MGAT5B: variants seen among roughly 807,000 people sequenced by gnomAD.
MGAT5B encodes the protein N-acetylglucosaminyl-transferase Vb.
A neutral mutation model predicts 95.1 loss-of-function variants in MGAT5B; 54 were observed. The ratio of observed to expected loss-of-function variants is 0.57; its 90% confidence interval spans 0.46 to 0.71. The LOEUF is 0.71. MGAT5B is among the 30% of genes least tolerant of loss of function. MGAT5B has a pLI of 0.00. For missense variants in MGAT5B, 935 were observed against 1,088.6 expected (o/e 0.86, Z 1.99); for synonymous variants, 464 against 451.0 (o/e 1.03, Z -0.36).
Position 76,930,290 on chromosome 17 carries a change from G to A in MGAT5B, c.1292-2355G>A, listed in dbSNP as rs914407203. Among the ~76,000 whole-genome samples, 62 of 150,610 alleles carry A rather than the reference G, an allele frequency of 4.1e-4. No individual in the cohort carries two copies. Among genetic ancestry groups the A allele is most frequent in the African/African-American group, 1.3e-3 (52 of 41,132 alleles). The stretch of plus-strand genomic sequence containing the variant: ...AGCTGTACCAGATGTTGATTATTAC[G>A]TCTTGTGGGCCTTGAGGGGTGGGTG... On this transcript the variant is annotated intron_variant, in intron 10 of 17. Transcript: ENST00000569840. This position sits in a 1 kb window ranked among gnomAD's most constrained non-coding sequence, Gnocchi z 4.1.
chr17:76,882,093 C>T, intron 2 of MGAT5B, 58 bp from the exon 3 acceptor site: 1 of 1,537,832 alleles, frequency 6.5e-7, no homozygotes, highest in South Asian at 1.3e-5. Context: ...AGCTCGGACA[C>T]CAGGTGGCCT....
In MGAT5B at chr17:76,906,199, G is replaced by T. The variant is rs769401512; in HGVS notation, c.1025+12G>T. ...AAGGAGCTGCAGAGGTGAGTGCTGG[G>T]GAAAGCCACTGGCATTAAGTGGGGC... On this transcript the variant is annotated intron_variant, in intron 8 of 17. Transcript: ENST00000569840. This position sits in a 1 kb window ranked among gnomAD's most constrained non-coding sequence, Gnocchi z 4.6. 1.3e-6 allele frequency: 2 copies of T among 1,589,568 alleles called. No individual in the cohort carries two copies. Among genetic ancestry groups the T allele is most frequent in the Admixed American group, 3.6e-5 (2 of 55,580 alleles).
At chr17:76,896,262 A>C (rs1277046516) in intron 3 of MGAT5B, among the ~76,000 whole-genome samples, 1 of 152,254 alleles carries the variant, frequency 6.6e-6, no homozygotes, top group Non-Finnish European at 1.5e-5. Context: ...ATGATTTGAA[A>C]ATAGAAAGGG....
intron 12 of MGAT5B, among the ~76,000 whole-genome samples, chr17:76,937,171 CAA>C (rs1055215307): frequency 4.6e-5 from 7 of 152,148 alleles, no homozygotes; most frequent in African/African-American, 1.7e-4. Flanking sequence ...GTGATTAAGA[CAA>C]AATGGATTCA....
chr17:76,906,185 G>A lies in MGAT5B; in HGVS notation c.1023G>A (p.Gln341=), dbSNP rs1213406576. 5 of 1,602,260 alleles carry A rather than the reference G, an allele frequency of 3.1e-6. No homozygotes were observed. Among genetic ancestry groups the A allele is most frequent in the East Asian group, 2.3e-5 (1 of 43,270 alleles). ...LRVTVSLKEL[Q]SNLGVPPGRG... Reference sequence around the variant, plus strand: ...TCACAGTCTCCCTGAAGGAGCTGCAGAGGTGAGTGCTGGGGAAAGCCACTG... The same window carrying A: ...TCACAGTCTCCCTGAAGGAGCTGCAAAGGTGAGTGCTGGGGAAAGCCACTG... Residue 341 remains glutamine, a splice_region_variant and synonymous_variant, in exon 8 of 18, where the codon CAG becomes CAA. Coordinates refer to ENST00000569840, the MANE Select transcript of MGAT5B (RefSeq NM_001199172.2). This position sits in a 1 kb window ranked among gnomAD's most constrained non-coding sequence, Gnocchi z 4.6.
At position 76,947,948 on chromosome 17, in the gene MGAT5B, G is replaced by A; in HGVS notation, c.2042G>A (p.Gly681Glu). The change falls in exon 17 of 18, where the codon GGG becomes GAG. Residue 681 changes from glycine (G) to glutamate (E), a missense_variant. This residue lies in a region of MGAT5B where 440 missense variants were observed against 523.6 expected (regional missense o/e 0.84). Coordinates refer to ENST00000569840, the MANE Select transcript of MGAT5B (RefSeq NM_001199172.2). ...GCTCGGAACACCAGCTTGGCTCCTGGGGCCTGGCCCCCCGCGCACGCCCTG... is the reference window on the plus strand; with the variant it reads ...GCTCGGAACACCAGCTTGGCTCCTGAGGCCTGGCCCCCCGCGCACGCCCTG... The part of the protein sequence containing the change: ...EWARNTSLAP[G>E]AWPPAHALRA... 6.2e-7 allele frequency: 1 copy of A among 1,612,724 alleles called. No homozygotes were observed. The highest frequency in any genetic ancestry group is 8.5e-7 in the Non-Finnish European group (1 of 1,179,316).
chr17:76,915,487 A>C lies in MGAT5B; in HGVS notation c.1025+9300A>C, dbSNP rs1454139227. ...GACCGAAAAACAACCCTCGGGCTCT[A>C]CCAGGGTTTGTAATATGCTATCCCT... On this transcript the variant is annotated intron_variant, in intron 8 of 17. Transcript: ENST00000569840. This position sits in a 1 kb window ranked among gnomAD's most constrained non-coding sequence, Gnocchi z 8.7. 6.6e-6 allele frequency among the ~76,000 whole-genome samples: 1 copy of C among 152,222 alleles called. No individual in the cohort carries two copies. The highest frequency in any genetic ancestry group is 1.9e-4 in the East Asian group (1 of 5,196).
chr17:76,932,490 G>A (rs1267564433), intron 10 of MGAT5B, among the ~76,000 whole-genome samples, 155 bp from the exon 11 acceptor site: 1 of 151,982 alleles, frequency 6.6e-6, no homozygotes, highest in Non-Finnish European at 1.5e-5. Flanking sequence ...GTCACAGGCC[G>A]GGGCACTGAT....
rs529509754 is a variant in MGAT5B, at chr17:76,889,514, G to A, written c.329+7216G>A. 3.3e-5 allele frequency among the ~76,000 whole-genome samples: 5 copies of A among 152,318 alleles called. No homozygotes were observed. The South Asian group carries it at 6.2e-4, about 19-fold the overall frequency. On this transcript the variant is annotated intron_variant, in intron 3 of 17. Transcript: ENST00000569840. This position sits in a 1 kb window ranked among gnomAD's most constrained non-coding sequence, Gnocchi z 4.4. ...TGGGTACCTTCACTGGGAGAGAGGCGTGTGGTTGGCAGGTCAGGGGCCTCT... is the reference window on the plus strand; with the variant it reads ...TGGGTACCTTCACTGGGAGAGAGGCATGTGGTTGGCAGGTCAGGGGCCTCT...
chr17:76,910,946 C>T (rs1199852568), intron 8 of MGAT5B, among the ~76,000 whole-genome samples: 2 of 152,198 alleles, frequency 1.3e-5, no homozygotes, highest in African/African-American at 2.4e-5. Flanking sequence ...TTAAAAACAA[C>T]TAAAAGAATA....
At chr17:76,943,862 A>T (rs1278048223) in intron 15 of MGAT5B, 1 of 152,094 alleles carries the variant, frequency 6.6e-6, no homozygotes, top group East Asian at 1.9e-4. Flanking sequence ...AGGGAGAGGG[A>T]GGGAGGAGCG....
At chr17:76,880,737 G>A (rs1967380446) in intron 2 of MGAT5B, among the ~76,000 whole-genome samples, 1 of 152,008 alleles carries the variant, frequency 6.6e-6, no homozygotes, top group South Asian at 2.1e-4. Flanking sequence ...TGGGGAGACT[G>A]CAGTGTGTTC....
chr17:76,874,437 A>C lies in MGAT5B; in HGVS notation c.181+1474A>C, dbSNP rs187960696. Reference sequence around the variant, plus strand: ...TGGGAGGGAGCAGTCGTGAAGGTGAACCGGAAGGGTGGCTTGGGGAAGGGC... The same window carrying C: ...TGGGAGGGAGCAGTCGTGAAGGTGACCCGGAAGGGTGGCTTGGGGAAGGGC... On this transcript the variant is annotated intron_variant, in intron 2 of 17. Coordinates refer to ENST00000569840, the MANE Select transcript of MGAT5B (RefSeq NM_001199172.2). Among the ~76,000 whole-genome samples, 444 of 152,018 alleles carry C rather than the reference A, an allele frequency of 2.9e-3. 3 individuals carry two copies. The highest frequency in any genetic ancestry group is 0.01 in the African/African-American group (432 of 41,430).
chr17:76,915,676 C>T lies in MGAT5B; in HGVS notation c.1026-9290C>T, dbSNP rs1169483433. On this transcript the variant is annotated intron_variant, in intron 8 of 17. Transcript: ENST00000569840. This position sits in a 1 kb window ranked among gnomAD's most constrained non-coding sequence, Gnocchi z 8.7. ...ATTAGGAAAAGGTGGGGAAGAACCG[C>T]ATCTTGGCACCTAGACTTGTGAATG... Among the ~76,000 whole-genome samples, 1 of 152,188 alleles carries T rather than the reference C, an allele frequency of 6.6e-6. No homozygotes were observed. Among genetic ancestry groups the T allele is most frequent in the Non-Finnish European group, 1.5e-5 (1 of 68,032 alleles).
intron 3 of MGAT5B, among the ~76,000 whole-genome samples, chr17:76,883,974 A>C (rs1167910999): frequency 6.6e-6 from 1 of 152,234 alleles, no homozygotes; most frequent in Non-Finnish European, 1.5e-5. Flanking sequence ...GCTGCTGGCC[A>C]TGGGGCCAAC....
chr17:76,873,972 T>C (rs879760967), intron 2 of MGAT5B, among the ~76,000 whole-genome samples: 2 of 152,220 alleles, frequency 1.3e-5, no homozygotes, highest in African/African-American at 2.4e-5. Flanking sequence ...GGTTGTCATC[T>C]GGGTGGGTGC....
At chr17:76,929,982 G>A (rs1325297037) in intron 10 of MGAT5B, among the ~76,000 whole-genome samples, 2 of 151,124 alleles carry the variant, frequency 1.3e-5, no homozygotes, top group African/African-American at 4.8e-5. Context: ...AGGGGAGAGG[G>A]CTGGGTGGCA....
At position 76,889,059 on chromosome 17, in the gene MGAT5B, A is replaced by G. The variant is rs1304567679; in HGVS notation, c.329+6761A>G. Among the ~76,000 whole-genome samples, 1 of 152,210 alleles carries G rather than the reference A, an allele frequency of 6.6e-6. No individual in the cohort carries two copies. Among genetic ancestry groups the G allele is most frequent in the Non-Finnish European group, 1.5e-5 (1 of 68,028 alleles). On this transcript the variant is annotated intron_variant, in intron 3 of 17. Transcript: ENST00000569840. The surrounding 1 kb of genome is among the most constrained non-coding windows in gnomAD (Gnocchi z 4.4). ...CATTCTTTTACTTTCCGAGTGAGAAACGATGGTTTTGGTAGAATGCCTGGG... is the reference window on the plus strand; with the variant it reads ...CATTCTTTTACTTTCCGAGTGAGAAGCGATGGTTTTGGTAGAATGCCTGGG...
intron 2 of MGAT5B, among the ~76,000 whole-genome samples, chr17:76,878,887 A>G (rs687014): frequency 0.53 from 81,273 of 152,032 alleles, 24,452 homozygotes; most frequent in East Asian, 0.94. Context: ...TCAGAGCTCA[A>G]TGAGCCCAGC....
Sources: gnomAD v4.1 joint callset for allele counts (sites outside exome capture counted in the v4.1 genomes callset) on GRCh38, gnomAD v4.1.1 for gene constraint, gnomAD v4.1.1 regional missense constraint, Gnocchi (gnomAD v3.1) non-coding constraint, MANE v1.5 for transcripts, NCBI Gene and HGNC (gene_info 2026-07-23, HGNC 2026-07-21) for gene names.